ELMO1: variants seen among roughly 807,000 people sequenced by gnomAD.
ELMO1 encodes engulfment and cell motility protein 1.
ELMO1 carries 26 observed loss-of-function variants against 98.9 expected under a neutral mutation model. The ratio of observed to expected loss-of-function variants is 0.26; its 90% CI spans 0.19 to 0.36. The LOEUF (loss-of-function observed/expected upper bound fraction) is 0.36, where lower values mean the gene tolerates loss of function less well. Ranked by LOEUF, ELMO1 falls within the 10% of genes least tolerant of loss-of-function variation. ELMO1 has a pLI of 1.00. For missense variants in ELMO1, 627 were observed against 935.2 expected (o/e 0.67, Z 4.30); for synonymous variants, 346 against 346.0 (o/e 1.00, Z 0.00).
chr7:37,266,312 G>A (rs1796239770), intron 5 of ELMO1, among the ~76,000 whole-genome samples: 1 of 152,024 alleles, frequency 6.6e-6, no homozygotes, highest in African/African-American at 2.4e-5. Flanking sequence ...CCGATAACCT[G>A]AATCCACACA....
chr7:37,061,050 T>G (rs1796644036), intron 15 of ELMO1, among the ~76,000 whole-genome samples: 1 of 152,244 alleles, frequency 6.6e-6, no homozygotes, highest in Non-Finnish European at 1.5e-5. Flanking sequence ...AGATGATACC[T>G]GTCACAACCT....
intron 16 of ELMO1, among the ~76,000 whole-genome samples, chr7:36,930,482 T>G: frequency 6.6e-6 from 1 of 152,222 alleles, no homozygotes; most frequent in East Asian, 1.9e-4. Flanking sequence ...GTCATTAAAA[T>G]TACATATGCT....
intron 15 of ELMO1, among the ~76,000 whole-genome samples, chr7:37,041,888 C>T (rs947033693): frequency 1.3e-5 from 2 of 152,116 alleles, no homozygotes; most frequent in Non-Finnish European, 2.9e-5. Context: ...GTTGATGAAA[C>T]ACTTGTCGCT....
In ELMO1 at chr7:37,247,969, G is replaced by A. The variant is rs1172981803; in HGVS notation, c.414-3578C>T. ...CTGTAAACTTTTAAAATAACTTTCT[G>A]GCCTGGGGCCTGAGCATGCTTATGG... On this transcript the variant is annotated intron_variant, in intron 6 of 21. Coordinates refer to ENST00000310758, the MANE Select transcript of ELMO1 (RefSeq NM_014800.11). Among the ~76,000 whole-genome samples, 5 of 147,184 alleles carry A rather than the reference G, an allele frequency of 3.4e-5. No individual in the cohort carries two copies. The Admixed American group carries it at 3.4e-4, about 10-fold the overall frequency.
intron 16 of ELMO1, among the ~76,000 whole-genome samples, chr7:36,911,376 T>G (rs1784332120): frequency 6.6e-6 from 1 of 152,096 alleles, no homozygotes; most frequent in South Asian, 2.1e-4. Context: ...AGGAAGGACA[T>G]AAGGCAAAAT....
chr7:37,423,619 C>T (rs1400794524), intron 1 of ELMO1, among the ~76,000 whole-genome samples: 1 of 152,138 alleles, frequency 6.6e-6, no homozygotes, highest in Non-Finnish European at 1.5e-5. Flanking sequence ...AAACACCTCA[C>T]AGTATTCTAC....
At chr7:37,141,227 C>T (rs1787617232) in intron 13 of ELMO1, among the ~76,000 whole-genome samples, 2 of 152,176 alleles carry the variant, frequency 1.3e-5, no homozygotes, top group South Asian at 4.1e-4. Flanking sequence ...GAAATAGTGG[C>T]ATTCACAGCA....
chr7:37,056,047 T>C (rs1407655163), intron 15 of ELMO1, among the ~76,000 whole-genome samples: 2 of 152,262 alleles, frequency 1.3e-5, no homozygotes, highest in East Asian at 1.9e-4. Flanking sequence ...GGCAGAATCC[T>C]ACCCAGAAAG....
At chr7:37,191,147 C>CCACTG (rs1489247149) in intron 13 of ELMO1, among the ~76,000 whole-genome samples, 1 of 146,618 alleles carries the variant, frequency 6.8e-6, no homozygotes, top group Non-Finnish European at 1.5e-5. Flanking sequence ...CGAGACCGCG[C>CCACTG]CACTGCACTC....
At chr7:37,338,336 A>G (rs1040941789) in intron 2 of ELMO1, among the ~76,000 whole-genome samples, 1 of 152,130 alleles carries the variant, frequency 6.6e-6, no homozygotes, top group Admixed American at 6.5e-5. Context: ...CCTGGCCCCC[A>G]TGGTGGTGGT....
intron 21 of ELMO1, among the ~76,000 whole-genome samples, chr7:36,860,603 T>C (rs548249555): frequency 6.6e-6 from 1 of 152,322 alleles, no homozygotes; most frequent in East Asian, 1.9e-4. Context: ...ACATCCAAAG[T>C]TCTACTATTT....
chr7:37,078,731 G>A (rs1242802144), intron 15 of ELMO1, among the ~76,000 whole-genome samples: 1 of 152,090 alleles, frequency 6.6e-6, no homozygotes, highest in African/African-American at 2.4e-5. Flanking sequence ...ATGAAAAAAG[G>A]AAATATCCTT....
chr7:36,874,867 A>G (rs1225288761), intron 19 of ELMO1, among the ~76,000 whole-genome samples: 2 of 152,214 alleles, frequency 1.3e-5, no homozygotes, highest in African/African-American at 4.8e-5. Flanking sequence ...TCAAAGGCCA[A>G]ATTTCCTGAC....
rs1025357641 is a variant in ELMO1, at chr7:36,854,527, C to G, written c.*1024G>C. On this transcript the variant is annotated 3_prime_UTR_variant, in exon 22 of 22. Transcript: ENST00000310758. ...GCAAAAAATGTTAGACTCTTTTGTA[C>G]AAAAACAAAGCAAAAAAAAAAAAAA... The G allele has an allele frequency of 1.3e-5, 1 of 75,834 alleles. No homozygotes were observed. The highest frequency in any genetic ancestry group is 5.6e-5 in the African/African-American group (1 of 17,794). The allele number at this position is 75,834 out of a possible 1,614,324, so 4.7% of individuals were successfully genotyped here. A position where few individuals can be genotyped will look rare whatever the true frequency, so the allele number is the denominator to read the frequency against.
At chr7:36,873,587 C>T (rs190026211) in intron 19 of ELMO1, among the ~76,000 whole-genome samples, 50 of 152,320 alleles carry the variant, frequency 3.3e-4, no homozygotes, top group African/African-American at 1.2e-3. Flanking sequence ...ATCAATTATG[C>T]AATGATACAC....
At chr7:37,070,423 G>A (rs1238290437) in intron 15 of ELMO1, among the ~76,000 whole-genome samples, 1 of 152,194 alleles carries the variant, frequency 6.6e-6, no homozygotes, top group African/African-American at 2.4e-5. Flanking sequence ...AGAGGGCTAA[G>A]ACCATAAAAA....
At chr7:37,084,759 C>CT (rs930490621) in intron 15 of ELMO1, among the ~76,000 whole-genome samples, 408 of 141,920 alleles carry the variant, frequency 2.9e-3, no homozygotes, top group South Asian at 5.0e-3. Context: ...AAGCAAATTC[C>CT]TTTTTTTTTT....
At chr7:36,986,178 C>G in intron 16 of ELMO1, 1 of 985,678 alleles carries the variant, frequency 1.0e-6, no homozygotes, top group Non-Finnish European at 1.2e-6. Context: ...GGAGCTGGAG[C>G]CCAGGGATGC....
At position 36,878,041 on chromosome 7, in the gene ELMO1, T is replaced by A; in HGVS notation, c.1791A>T (p.Gly597=). ...HYGDLEESPQ[G]EVPHDSLQDK... is the part of the protein sequence containing the mutation. ...CCTGCAAGGAATCGTGGGGCACTTC[T>A]CCCTGAGGACTCTCTTCTAAGTCTC... is the stretch of plus-strand genomic sequence containing the variant. Residue 597 remains glycine, a synonymous_variant, in exon 19 of 22, where the codon GGA becomes GGT. Coordinates refer to ENST00000310758, the MANE Select transcript of ELMO1 (RefSeq NM_014800.11). 1 of 1,614,056 alleles carries A rather than the reference T, an allele frequency of 6.2e-7. No homozygotes were observed. The highest frequency in any genetic ancestry group is 1.7e-5 in the Admixed American group (1 of 60,020).
Sources: allele counts gnomAD v4.1 joint callset (sites outside exome capture counted in the v4.1 genomes callset), GRCh38; gene constraint gnomAD v4.1.1; transcripts MANE v1.5; gene names NCBI Gene and HGNC (gene_info 2026-07-23, HGNC 2026-07-21).